C12orf56: variants seen among roughly 807,000 people sequenced by gnomAD.
C12orf56 encodes the protein uncharacterized protein C12orf56.
Under a neutral mutation model 69.9 loss-of-function variants are expected in C12orf56, and 71 were observed. The ratio of observed to expected loss-of-function variants is 1.02; its 90% CI spans 0.84 to 1.24. The LOEUF (loss-of-function observed/expected upper bound fraction) is 1.24. Ranked by LOEUF, C12orf56 falls within the 50% of genes most tolerant of loss-of-function variation. C12orf56 has a pLI of 0.00. For synonymous variants in C12orf56, 276 were observed against 274.1 expected (o/e 1.01, Z -0.07); for missense variants, 732 against 738.5 (o/e 0.99, Z 0.10).
chr12:64,358,792 T>C (rs1169579740), intron 1 of C12orf56, among the ~76,000 whole-genome samples: 1 of 151,992 alleles, frequency 6.6e-6, no homozygotes, highest in Non-Finnish European at 1.5e-5. Flanking sequence ...AGACTCCATC[T>C]CCAAAAAATA....
chr12:64,285,929 C>T (rs763583270), intron 7 of C12orf56, 25 bp downstream of exon 7: 19 of 1,422,358 alleles, frequency 1.3e-5, no homozygotes, highest in Middle Eastern at 1.8e-4. Context: ...AAAAAAAAAT[C>T]GATGATTATC....
chr12:64,318,088 T>C (rs2038712667), intron 4 of C12orf56, among the ~76,000 whole-genome samples: 2 of 151,668 alleles, frequency 1.3e-5, no homozygotes, highest in African/African-American at 2.4e-5. Context: ...TGAGATGGAG[T>C]CTTCCTCTGT....
intron 6 of C12orf56, among the ~76,000 whole-genome samples, chr12:64,298,165 G>C (rs185274396): frequency 0.01 from 1,582 of 150,944 alleles, 30 homozygotes; most frequent in African/African-American, 0.037. Flanking sequence ...CATGTTTGTT[G>C]GCTGCATAAA....
At chr12:64,333,076 T>G (rs1225077099) in intron 2 of C12orf56, among the ~76,000 whole-genome samples, 1 of 152,228 alleles carries the variant, frequency 6.6e-6, no homozygotes, top group African/African-American at 2.4e-5. Context: ...CCTTTGTATA[T>G]TGCTGGAATT....
chr12:64,285,844 T>A, intron 7 of C12orf56, 110 bp downstream of exon 7: 1 of 485,258 alleles, frequency 2.1e-6, no homozygotes, highest in South Asian at 5.8e-5. Flanking sequence ...AAGAAAAACT[T>A]GCAGTGCCAT....
rs559535895 is a variant in C12orf56 at position 64,345,743 on chromosome 12, A to G, written c.415+7151T>C. ...ATCCCTGAGTTTATCATTTTCTTTC[A>G]TCACTTTGTCTGCAGAATTTAGGAG... On this transcript the variant is annotated intron_variant, in intron 2 of 12. Coordinates refer to ENST00000543942, the MANE Select transcript of C12orf56 (RefSeq NM_001170633.2). Among the ~76,000 whole-genome samples, 7 of 152,248 alleles carry G rather than the reference A, an allele frequency of 4.6e-5. No homozygotes were observed. The East Asian group carries it at 1.4e-3, about 29-fold the overall frequency.
chr12:64,354,526 C>T (rs928554477), intron 1 of C12orf56, among the ~76,000 whole-genome samples: 1 of 152,058 alleles, frequency 6.6e-6, no homozygotes, highest in Non-Finnish European at 1.5e-5. Flanking sequence ...GACATGATCT[C>T]AGCTCACTGC....
intron 2 of C12orf56, among the ~76,000 whole-genome samples, chr12:64,340,660 T>G (rs1230875572): frequency 6.6e-6 from 1 of 152,242 alleles, no homozygotes; most frequent in African/African-American, 2.4e-5. Flanking sequence ...GATATTTTCT[T>G]AGTACAAGTG....
Position 64,286,056 on chromosome 12 carries a change from C to T in C12orf56, c.1118G>A (p.Ser373Asn), listed in dbSNP as rs779788875. Residue 373 changes from serine to asparagine, a missense_variant, in exon 7 of 13, where the codon AGT (serine) becomes AAT (asparagine). Ser to Asn is a conservative substitution (Grantham distance 46). Transcript: ENST00000543942. ...FILKRLFWKTSDLFYFIVNKL... is the reference protein window; with the variant it reads ...FILKRLFWKTNDLFYFIVNKL... Reference sequence around the variant, plus strand: ...GTTTACTATGAAATAGAAAAGGTCACTGGTCTGTGAAAGCAAGTTGGAAAA... The same window carrying T: ...GTTTACTATGAAATAGAAAAGGTCATTGGTCTGTGAAAGCAAGTTGGAAAA... 3 of 1,590,708 alleles carry T rather than the reference C, an allele frequency of 1.9e-6. No individual in the cohort carries two copies. In the Admixed American group the frequency reaches 5.2e-5, roughly 28 times the overall value.
At chr12:64,334,682 A>G (rs7488560) in intron 2 of C12orf56, among the ~76,000 whole-genome samples, 150,023 of 152,238 alleles carry the variant, frequency 0.99, 73,953 homozygotes, top group Middle Eastern at 1. Context: ...GCTCACGACT[A>G]TGGAGAGCCA....
chr12:64,329,302 G>T (rs2038894644), intron 3 of C12orf56, among the ~76,000 whole-genome samples: 1 of 151,892 alleles, frequency 6.6e-6, no homozygotes, highest in Admixed American at 6.6e-5. Context: ...TCTCTTTCCA[G>T]CTCTCCTATT....
intron 1 of C12orf56, among the ~76,000 whole-genome samples, 165 bp from the exon 2 acceptor site, chr12:64,353,221 G>A (rs1210974182): frequency 1.3e-5 from 2 of 151,888 alleles, no homozygotes; most frequent in African/African-American, 2.4e-5. Context: ...GCAGTGGTGC[G>A]ATCTCAACTC....
At chr12:64,378,766 C>G (rs1396882429) in intron 1 of C12orf56, among the ~76,000 whole-genome samples, 6 of 151,760 alleles carry the variant, frequency 4.0e-5, no homozygotes, top group Admixed American at 2.6e-4. Context: ...ATGAACAGAA[C>G]CTGGCTGGGC....
intron 5 of C12orf56, among the ~76,000 whole-genome samples, chr12:64,304,936 A>C (rs2038492210): frequency 6.6e-6 from 1 of 152,132 alleles, no homozygotes; most frequent in African/African-American, 2.4e-5. Context: ...TGGAATCTTA[A>C]AATTTCTGAC....
chr12:64,342,474 A>T (rs750426488), intron 2 of C12orf56, among the ~76,000 whole-genome samples: 1 of 152,186 alleles, frequency 6.6e-6, no homozygotes, highest in Non-Finnish European at 1.5e-5. Flanking sequence ...GATCATAGGG[A>T]ACTCCCCGTG....
At chr12:64,325,991 T>C (rs1203492375) in intron 3 of C12orf56, among the ~76,000 whole-genome samples, 1 of 152,164 alleles carries the variant, frequency 6.6e-6, no homozygotes, top group Non-Finnish European at 1.5e-5. Flanking sequence ...AAAATTCTAC[T>C]AGTTTTTTTC....
chr12:64,345,646 G>A (rs1565766937), intron 2 of C12orf56, among the ~76,000 whole-genome samples: 2 of 152,154 alleles, frequency 1.3e-5, no homozygotes, highest in Admixed American at 6.5e-5. Flanking sequence ...CACTATAGGA[G>A]ATAAGACTCT....
At chr12:64,322,787 C>T (rs1167821377) in intron 3 of C12orf56, among the ~76,000 whole-genome samples, 1 of 152,122 alleles carries the variant, frequency 6.6e-6, no homozygotes, top group East Asian at 1.9e-4. Context: ...TCCCACCCTG[C>T]CTTTTGTTTA....
At chr12:64,334,919 T>C (rs945101616) in intron 2 of C12orf56, among the ~76,000 whole-genome samples, 4 of 152,198 alleles carry the variant, frequency 2.6e-5, no homozygotes, top group Admixed American at 6.5e-5. Flanking sequence ...CCTGTGTCTA[T>C]TTAAATGTAA....
Sources: allele counts gnomAD v4.1 joint callset (sites outside exome capture counted in the v4.1 genomes callset), GRCh38; gene constraint gnomAD v4.1.1; transcripts MANE v1.5; gene names NCBI Gene and HGNC (gene_info 2026-07-23, HGNC 2026-07-21).